Variants in PTPRG observed in about 807,000 individuals in gnomAD.
PTPRG encodes the protein protein tyrosine phosphatase receptor type G.
PTPRG carries 102 observed loss-of-function variants against 165.3 expected under a neutral mutation model. That is an observed-to-expected ratio of 0.62 (90% confidence interval 0.53 to 0.73). PTPRG has a LOEUF of 0.73. Among genes scored for constraint, PTPRG ranks in the 30% least tolerant of loss-of-function variants. PTPRG has a pLI of 0.00. For missense variants in PTPRG, 1,866 were observed against 1,861.4 expected (o/e 1.00, Z -0.05); for synonymous variants, 675 against 669.5 (o/e 1.01, Z -0.13).
intron 2 of PTPRG, among the ~76,000 whole-genome samples, chr3:61,985,390 C>T (rs1399851549): frequency 2.6e-5 from 4 of 152,204 alleles, no homozygotes; most frequent in African/African-American, 9.7e-5. Context: ...ATTGCCTAGT[C>T]AGTTTCTTGA....
At chr3:62,234,935 T>C (rs921666183) in intron 14 of PTPRG, among the ~76,000 whole-genome samples, 3 of 145,810 alleles carry the variant, frequency 2.1e-5, no homozygotes, top group African/African-American at 5.1e-5. Flanking sequence ...CTGAATCTAC[T>C]TCCCCCCCCC....
intron 2 of PTPRG, among the ~76,000 whole-genome samples, chr3:61,834,827 G>T (rs1472388711): frequency 7.1e-6 from 1 of 140,904 alleles, no homozygotes; most frequent in Non-Finnish European, 1.5e-5. Context: ...AAAAAAACAT[G>T]AACATTTTGG....
chr3:61,622,145 C>A (rs1228005651), intron 1 of PTPRG, among the ~76,000 whole-genome samples: 3 of 152,134 alleles, frequency 2.0e-5, no homozygotes. Context: ...GGGAGGAAAC[C>A]AAGTCTTCAC....
intron 2 of PTPRG, among the ~76,000 whole-genome samples, chr3:61,890,187 T>G (rs924180597): frequency 1.3e-5 from 2 of 152,156 alleles, no homozygotes; most frequent in African/African-American, 4.8e-5. Context: ...ATCCTTAAAG[T>G]ATTTATTAGA....
intron 2 of PTPRG, among the ~76,000 whole-genome samples, chr3:61,862,886 C>T (rs867463936): frequency 3.3e-5 from 5 of 152,172 alleles, no homozygotes; most frequent in Admixed American, 1.3e-4. Flanking sequence ...CCAAGTCCCT[C>T]CTACTATGTG....
At chr3:61,870,774 A>T (rs894114792) in intron 2 of PTPRG, among the ~76,000 whole-genome samples, 1 of 151,952 alleles carries the variant, frequency 6.6e-6, no homozygotes, top group Non-Finnish European at 1.5e-5. Context: ...GTAAAGTTCT[A>T]TTGAAATGTT....
chr3:61,784,045 A>G lies in PTPRG; in HGVS notation c.190+35063A>G, dbSNP rs565370691. ...ATTATAGAGCAATATCCCCTGAGAA[A>G]CACCAATATTAAAGAAGCTGAAAAA... is the stretch of plus-strand genomic sequence containing the variant. On this transcript the variant is annotated intron_variant, in intron 2 of 29. Coordinates refer to ENST00000474889, the MANE Select transcript of PTPRG (RefSeq NM_002841.4). Among the ~76,000 whole-genome samples, 6 of 152,284 alleles carry G rather than the reference A, an allele frequency of 3.9e-5. No homozygotes were observed. The South Asian group carries it at 1.2e-3, about 32-fold the overall frequency.
At chr3:61,942,165 A>AG (rs1352795793) in intron 2 of PTPRG, among the ~76,000 whole-genome samples, 1 of 152,092 alleles carries the variant, frequency 6.6e-6, no homozygotes, top group Non-Finnish European at 1.5e-5. Flanking sequence ...CTAAAAAAAA[A>AG]AAAAAAAAGG....
At chr3:61,765,789 T>A (rs778084236) in intron 2 of PTPRG, among the ~76,000 whole-genome samples, 2 of 152,222 alleles carry the variant, frequency 1.3e-5, no homozygotes, top group African/African-American at 4.8e-5. Flanking sequence ...TTTGTATAAA[T>A]TAAGCAAAGC....
chr3:61,922,874 C>G (rs1280452313), intron 2 of PTPRG, among the ~76,000 whole-genome samples: 1 of 152,196 alleles, frequency 6.6e-6, no homozygotes, highest in Non-Finnish European at 1.5e-5. Context: ...TTCCAGAACT[C>G]AGGTACTCTG....
At chr3:62,127,286 G>A (rs935444260) in intron 5 of PTPRG, among the ~76,000 whole-genome samples, 5 of 152,210 alleles carry the variant, frequency 3.3e-5, no homozygotes, top group African/African-American at 4.8e-5. Flanking sequence ...TCACTAGGAT[G>A]TTGAAGTCAG....
At position 62,282,886 on chromosome 3, in the gene PTPRG, T is replaced by C; in HGVS notation, c.4055+17T>C. The C allele has an allele frequency of 6.3e-7, 1 of 1,580,100 alleles. No individual in the cohort carries two copies. The highest frequency in any genetic ancestry group is 1.2e-5 in the South Asian group (1 of 83,476). On this transcript the variant is annotated intron_variant, in intron 28 of 29. Coordinates refer to ENST00000474889, the MANE Select transcript of PTPRG (RefSeq NM_002841.4). ...TCATGATGAGTATGTATCTGTTTCTTAATTTTAAAATGTAGACCGTTTTTT... is the reference window on the plus strand; with the variant it reads ...TCATGATGAGTATGTATCTGTTTCTCAATTTTAAAATGTAGACCGTTTTTT...
chr3:62,158,689 C>T (rs547087854), intron 7 of PTPRG, among the ~76,000 whole-genome samples: 13 of 152,308 alleles, frequency 8.5e-5, no homozygotes, highest in Admixed American at 7.8e-4. Flanking sequence ...GCAGTAGAGA[C>T]ACTATCCCCC....
At chr3:61,814,681 A>T (rs949500053) in intron 2 of PTPRG, among the ~76,000 whole-genome samples, 12 of 151,682 alleles carry the variant, frequency 7.9e-5, no homozygotes, top group South Asian at 6.3e-4. Flanking sequence ...GCAAAAGGAG[A>T]AGTAACCTGT....
rs1002717211 is a variant in PTPRG at position 62,271,360 on chromosome 3, A to T, written c.3010-23A>T. Reference sequence around the variant, plus strand: ...AATGTCCACCCCCCCGCTTAAAGACATCTTTTTTCACTTTTCTCACAGGGT... The same window carrying T: ...AATGTCCACCCCCCCGCTTAAAGACTTCTTTTTTCACTTTTCTCACAGGGT... On this transcript the variant is annotated intron_variant, in intron 20 of 29. Coordinates refer to ENST00000474889, the MANE Select transcript of PTPRG (RefSeq NM_002841.4). The surrounding 1 kb of genome is among the most constrained non-coding windows in gnomAD (Gnocchi z 4.1). 2 of 1,572,114 alleles carry T rather than the reference A, an allele frequency of 1.3e-6. No individual in the cohort carries two copies. Among genetic ancestry groups the T allele is most frequent in the African/African-American group, 1.4e-5 (1 of 73,326 alleles).
At chr3:61,750,715 G>C (rs771702653) in intron 2 of PTPRG, 24 of 152,156 alleles carry the variant, frequency 1.6e-4, no homozygotes, top group Non-Finnish European at 2.6e-4. Flanking sequence ...GGACAGACTG[G>C]CTGTGCTCTG....
At chr3:62,003,088 T>A (rs945812736) in intron 3 of PTPRG, among the ~76,000 whole-genome samples, 24 of 152,184 alleles carry the variant, frequency 1.6e-4, no homozygotes, top group African/African-American at 2.7e-4. Context: ...TTTTTTTTTT[T>A]AAATCTGTTA....
At chr3:62,156,677 C>A (rs1263675736) in intron 6 of PTPRG, among the ~76,000 whole-genome samples, 1 of 152,080 alleles carries the variant, frequency 6.6e-6, no homozygotes, top group Admixed American at 6.6e-5. Flanking sequence ...GAGAAGAGTT[C>A]TATGATGAAA....
chr3:61,593,743 C>G (rs1700631285), intron 1 of PTPRG, among the ~76,000 whole-genome samples: 1 of 149,662 alleles, frequency 6.7e-6, no homozygotes. Context: ...GCCAGAAAAA[C>G]TCTTCTGCTG....
Sources: gnomAD v4.1 joint callset for allele counts (sites outside exome capture counted in the v4.1 genomes callset) on GRCh38, gnomAD v4.1.1 for gene constraint, Gnocchi (gnomAD v3.1) non-coding constraint, MANE v1.5 for transcripts, NCBI Gene and HGNC (gene_info 2026-07-23, HGNC 2026-07-21) for gene names.